Variants in STON1 observed in about 807,000 individuals in gnomAD.
The protein encoded by STON1 is stonin 1.
In STON1, 79 loss-of-function variants were observed where a neutral mutation model predicts 60.9. The ratio of observed to expected loss-of-function variants is 1.30; its 90% CI spans 1.08 to 1.56. The LOEUF is 1.56. Among genes scored for constraint, STON1 ranks in the 40% most tolerant of loss-of-function variants. STON1 has a pLI of 0.00. For synonymous variants in STON1, 363 were observed against 306.9 expected, an observed-to-expected ratio of 1.18 and a Z score of -1.91; for missense variants, 1,166 against 858.9, an observed-to-expected ratio of 1.36 and a Z score of -4.47.
intron 1 of STON1, among the ~76,000 whole-genome samples, chr2:48,557,083 C>A (rs1227009859): frequency 9.3e-6 from 1 of 107,532 alleles, no homozygotes; most frequent in Non-Finnish European, 2.0e-5. Flanking sequence ...GACCCCCCCC[C>A]ACCTCCCTCC....
At chr2:48,541,284 C>CG (rs933667135) in intron 1 of STON1, among the ~76,000 whole-genome samples, 5 of 150,220 alleles carry the variant, frequency 3.3e-5, no homozygotes, top group African/African-American at 1.2e-4. Flanking sequence ...TAAGCTGGGG[C>CG]GGAGGTTGAA....
rs1673832895 is a variant in STON1, at chr2:48,580,804, C to T, written c.171C>T (p.Thr57=). The stretch of plus-strand genomic sequence containing the variant: ...AATTTCCCAGTGGATCTTCCTCCAC[C>T]AGCAGCACTCCTCTCTCCTCCCCCA... ...LREFPSGSSS[T]SSTPLSSPIV... is the part of the protein sequence containing the mutation. Residue 57 remains threonine, a synonymous_variant, in exon 2 of 4, where the codon ACC becomes ACT. Coordinates refer to ENST00000404752, the MANE Select transcript of STON1 (RefSeq NM_006873.4). 1 of 1,552,924 alleles carries T rather than the reference C, an allele frequency of 6.4e-7. No homozygotes were observed. Among genetic ancestry groups the T allele is most frequent in the South Asian group, 1.3e-5 (1 of 79,478 alleles).
intron 1 of STON1, among the ~76,000 whole-genome samples, chr2:48,568,283 C>T (rs1248942584): frequency 6.6e-6 from 1 of 152,164 alleles, no homozygotes. Flanking sequence ...GCGTGCTTTT[C>T]CCCACAGATG....
chr2:48,575,678 AT>A (rs2103887893), intron 1 of STON1, among the ~76,000 whole-genome samples: 1 of 151,698 alleles, frequency 6.6e-6, no homozygotes, highest in East Asian at 1.9e-4. Context: ...AAATAAATAA[AT>A]AAATAAATGA....
At chr2:48,562,645 G>C (rs530851990) in intron 1 of STON1, among the ~76,000 whole-genome samples, 100 of 152,348 alleles carry the variant, frequency 6.6e-4, no homozygotes, top group African/African-American at 2.3e-3. Context: ...TGGCATGAAA[G>C]CTGGTGATGC....
At chr2:48,576,185 C>CTT (rs34849002) in intron 1 of STON1, among the ~76,000 whole-genome samples, 1,181 of 63,078 alleles carry the variant, frequency 0.019, 142 homozygotes, top group South Asian at 0.04. Flanking sequence ...GTTTTCCTTT[C>CTT]TTTTTTTTTT....
At chr2:48,591,579 G>A (rs1189967207) in intron 2 of STON1, 74 bp from the exon 3 acceptor site, 64 of 1,557,166 alleles carry the variant, frequency 4.1e-5, no homozygotes, top group Admixed American at 5.4e-5. Context: ...AGAGAGATGA[G>A]TGCCTTTTAT....
rs1158480622 is a variant in STON1, at chr2:48,598,215, A to G, written c.*2913A>G. ...GTTTATCCACTAAAAAAAGATATGT[A>G]AAAAAGATACTTTCCAGCACATAAA... On this transcript the variant is annotated 3_prime_UTR_variant, in exon 4 of 4. Transcript: ENST00000404752. 3 of 152,242 alleles carry G rather than the reference A, an allele frequency of 2.0e-5. No homozygotes were observed. The highest frequency in any genetic ancestry group is 6.5e-5 in the Admixed American group (1 of 15,282). 9.4% of individuals were successfully genotyped at this position (152,242 alleles called of 1,614,324 possible).
chr2:48,552,442 ATG>A (rs1052561105), intron 1 of STON1, among the ~76,000 whole-genome samples: 1 of 152,134 alleles, frequency 6.6e-6, no homozygotes, highest in African/African-American at 2.4e-5. Context: ...TTACACAACA[ATG>A]TGAATGTATT....
At chr2:48,593,289 GT>G (rs1674629057) in intron 3 of STON1, among the ~76,000 whole-genome samples, 1 of 151,178 alleles carries the variant, frequency 6.6e-6, no homozygotes, top group Non-Finnish European at 1.5e-5. Context: ...CTAATTTTTT[GT>G]GTTTATAGTA....
chr2:48,585,758 G>A (rs776032499), intron 2 of STON1, among the ~76,000 whole-genome samples: 3 of 152,252 alleles, frequency 2.0e-5, no homozygotes, highest in Non-Finnish European at 4.4e-5. Flanking sequence ...CAGGCAGAAA[G>A]TCAGGCAGGC....
At chr2:48,570,135 G>A in intron 1 of STON1, among the ~76,000 whole-genome samples, 1 of 152,166 alleles carries the variant, frequency 6.6e-6, no homozygotes, top group Non-Finnish European at 1.5e-5. Context: ...AGGAGTTTGA[G>A]GCCAGCCTGG....
At chr2:48,583,395 G>A (rs1452702447) in intron 2 of STON1, among the ~76,000 whole-genome samples, 3 of 152,042 alleles carry the variant, frequency 2.0e-5, no homozygotes, top group African/African-American at 7.2e-5. Flanking sequence ...GGCCTAAACT[G>A]GTTGTTTTAG....
intron 3 of STON1, 23 bp downstream of exon 3, chr2:48,591,878 C>A (rs201096468): frequency 6.2e-7 from 1 of 1,610,442 alleles, no homozygotes; most frequent in Non-Finnish European, 8.5e-7. Context: ...ACTTCTAGAA[C>A]TGTGACCTGA....
rs549582325 is a variant in STON1, at chr2:48,551,255, C to G, written c.-48+21039C>G. On this transcript the variant is annotated intron_variant, in intron 1 of 3. Coordinates refer to ENST00000404752, the MANE Select transcript of STON1 (RefSeq NM_006873.4). ...TGGGTTGGACTATAGATGGGTGTTT[C>G]CTGGGTAAATTTGTTATGGGTGAGA... Among the ~76,000 whole-genome samples the G allele has an allele frequency of 2.6e-5, 4 of 152,192 alleles. 1 individual carries two copies. In the South Asian group the frequency reaches 8.3e-4, roughly 32 times the overall value.
intron 1 of STON1, chr2:48,531,197 GT>G (rs1671197349): frequency 6.6e-6 from 1 of 152,190 alleles, no homozygotes; most frequent in African/African-American, 2.4e-5. Flanking sequence ...CAGGCTAGAA[GT>G]TTTAATTTGC....
At chr2:48,536,412 G>C (rs1400768661) in intron 1 of STON1, among the ~76,000 whole-genome samples, 6 of 151,934 alleles carry the variant, frequency 3.9e-5, no homozygotes, top group East Asian at 1.9e-4. Flanking sequence ...GCCGAGTGTG[G>C]TGGTGGGTGC....
chr2:48,580,823 T>A lies in STON1; in HGVS notation c.190T>A (p.Ser64Thr), dbSNP rs757258756. ...SSSTSSTPLSSPIVDFYFSPG... is the reference protein window; with the variant it reads ...SSSTSSTPLSTPIVDFYFSPG... ...CTCCACCAGCAGCACTCCTCTCTCC[T>A]CCCCCATTGTAGATTTTTATTTCAG... Residue 64 changes from serine (S) to threonine (T), a missense_variant, in exon 2 of 4, where the codon TCC becomes ACC. Transcript: ENST00000404752. The A allele has an allele frequency of 5.8e-6, 9 of 1,548,310 alleles. No individual in the cohort carries two copies. Among genetic ancestry groups the A allele is most frequent in the Admixed American group, 2.0e-5 (1 of 49,138 alleles).
chr2:48,546,678 G>C (rs1435583834), intron 1 of STON1, among the ~76,000 whole-genome samples: 1 of 152,218 alleles, frequency 6.6e-6, no homozygotes, highest in Non-Finnish European at 1.5e-5. Flanking sequence ...GCAGTGTATA[G>C]CATAGTTTTA....
Sources: gnomAD v4.1 joint callset for allele counts (sites outside exome capture counted in the v4.1 genomes callset) on GRCh38, gnomAD v4.1.1 for gene constraint, MANE v1.5 for transcripts, NCBI Gene and HGNC (gene_info 2026-07-23, HGNC 2026-07-21) for gene names.